The following EXOC6B variants were observed in gnomAD, a reference collection of about 807,000 sequenced individuals.
EXOC6B encodes SEC15 homolog B.
EXOC6B carries 54 observed loss-of-function variants against 113.5 expected under a neutral mutation model. That is an observed-to-expected ratio of 0.48 (90% confidence interval 0.38 to 0.60). EXOC6B has a LOEUF of 0.60. EXOC6B is among the 20% of genes least tolerant of loss of function. EXOC6B has a pLI of 0.00. For synonymous variants in EXOC6B, 357 were observed against 339.0 expected (o/e 1.05, Z -0.58); for missense variants, 797 against 977.5 (o/e 0.82, Z 2.46).
chr2:72,492,491 G>A (rs371742711), intron 15 of EXOC6B, 62 bp from the exon 16 acceptor site: 3 of 918,144 alleles, frequency 3.3e-6, no homozygotes, highest in Non-Finnish European at 5.4e-6. Context: ...GCAAACAAAC[G>A]GTGCCAGTGG....
chr2:72,604,681 C>T (rs2104026190), intron 6 of EXOC6B, among the ~76,000 whole-genome samples: 1 of 152,294 alleles, frequency 6.6e-6, no homozygotes, highest in Non-Finnish European at 1.5e-5. Context: ...ACTTCTATTA[C>T]TGATCACATC....
chr2:72,512,382 A>AG (rs1700976541), intron 11 of EXOC6B, among the ~76,000 whole-genome samples: 1 of 112,824 alleles, frequency 8.9e-6, no homozygotes, highest in African/African-American at 3.5e-5. Flanking sequence ...GAAGGAAGGA[A>AG]GGAAGGAAGG....
chr2:72,417,671 A>T (rs1398751216), intron 18 of EXOC6B, among the ~76,000 whole-genome samples: 2 of 152,192 alleles, frequency 1.3e-5, no homozygotes, highest in African/African-American at 2.4e-5. Flanking sequence ...TTTAAGACAA[A>T]TAGATTTTGT....
intron 18 of EXOC6B, among the ~76,000 whole-genome samples, chr2:72,437,206 G>T (rs1411561556): frequency 1.3e-5 from 2 of 152,192 alleles, no homozygotes; most frequent in Non-Finnish European, 2.9e-5. Flanking sequence ...GACCCTGTTT[G>T]CCTGGGTATC....
At chr2:72,570,295 C>T (rs1481141240) in intron 7 of EXOC6B, among the ~76,000 whole-genome samples, 1 of 152,190 alleles carries the variant, frequency 6.6e-6, no homozygotes, top group African/African-American at 2.4e-5. Flanking sequence ...CTTGGACAGC[C>T]AGCCTCCAGA....
chr2:72,579,850 G>T (rs2103853752), intron 6 of EXOC6B, among the ~76,000 whole-genome samples: 1 of 152,088 alleles, frequency 6.6e-6, no homozygotes, highest in South Asian at 2.1e-4. Flanking sequence ...GGCCTTAGAG[G>T]CCAAATATAA....
intron 8 of EXOC6B, among the ~76,000 whole-genome samples, chr2:72,547,135 A>G (rs1702954580): frequency 6.6e-6 from 1 of 152,218 alleles, no homozygotes; most frequent in Non-Finnish European, 1.5e-5. Context: ...AAGAAAATTT[A>G]AGAGAAATAC....
intron 6 of EXOC6B, among the ~76,000 whole-genome samples, chr2:72,695,064 C>T (rs533819153): frequency 6.6e-6 from 1 of 152,314 alleles, no homozygotes; most frequent in African/African-American, 2.4e-5. Flanking sequence ...GAACTGTCAA[C>T]ACAGGCACAC....
At chr2:72,718,065 A>G (rs1679741937) in intron 6 of EXOC6B, 38 bp downstream of exon 6, 1 of 1,511,634 alleles carries the variant, frequency 6.6e-7, no homozygotes, top group Non-Finnish European at 9.0e-7. Context: ...CAATACTGAT[A>G]AAGCCACTGG....
At chr2:72,311,168 G>A (rs930588896) in intron 20 of EXOC6B, among the ~76,000 whole-genome samples, 1 of 152,210 alleles carries the variant, frequency 6.6e-6, no homozygotes, top group African/African-American at 2.4e-5. Context: ...GCTTAAGCAA[G>A]AGAATTTTAT....
At chr2:72,238,726 C>A (rs1297008559) in intron 20 of EXOC6B, among the ~76,000 whole-genome samples, 3 of 152,072 alleles carry the variant, frequency 2.0e-5, no homozygotes, top group Admixed American at 2.0e-4. Flanking sequence ...CCATTTAAAT[C>A]TTTTGCATTT....
At chr2:72,202,140 G>A (rs553402837) in intron 20 of EXOC6B, among the ~76,000 whole-genome samples, 1 of 152,224 alleles carries the variant, frequency 6.6e-6, no homozygotes, top group Admixed American at 6.5e-5. Flanking sequence ...ATCATTTCTG[G>A]TCTATATATG....
intron 19 of EXOC6B, among the ~76,000 whole-genome samples, chr2:72,367,620 G>C (rs561962404): frequency 6.6e-6 from 1 of 152,068 alleles, no homozygotes. Flanking sequence ...ACATCATATC[G>C]CTAAAAGAGA....
intron 8 of EXOC6B, among the ~76,000 whole-genome samples, chr2:72,553,006 C>T (rs929204488): frequency 1.3e-5 from 2 of 151,578 alleles, no homozygotes; most frequent in Non-Finnish European, 2.9e-5. Context: ...TGATTCCAGT[C>T]AATACAGTAA....
chr2:72,698,166 A>G (rs1288934478), intron 6 of EXOC6B, among the ~76,000 whole-genome samples: 2 of 152,160 alleles, frequency 1.3e-5, no homozygotes, highest in African/African-American at 4.8e-5. Flanking sequence ...GGGAGGAGAA[A>G]GAGGAATTAA....
chr2:72,228,090 C>A (rs980216893), intron 20 of EXOC6B, among the ~76,000 whole-genome samples: 1 of 151,990 alleles, frequency 6.6e-6, no homozygotes, highest in African/African-American at 2.4e-5. Flanking sequence ...TCGGATTTTA[C>A]CAGGAGAAGG....
chr2:72,450,314 C>G (rs1228715837), intron 18 of EXOC6B, among the ~76,000 whole-genome samples: 2 of 152,124 alleles, frequency 1.3e-5, no homozygotes, highest in East Asian at 1.9e-4. Context: ...GGACTAAAAG[C>G]ATTTAAGCCA....
At chr2:72,320,723 A>G (rs74377656) in intron 20 of EXOC6B, among the ~76,000 whole-genome samples, 3,199 of 152,306 alleles carry the variant, frequency 0.021, 104 homozygotes, top group African/African-American at 0.07. Context: ...AAGTGACATT[A>G]TAACTGTATG....
intron 6 of EXOC6B, among the ~76,000 whole-genome samples, chr2:72,620,310 G>A (rs1463224157): frequency 6.6e-6 from 1 of 152,196 alleles, no homozygotes; most frequent in Non-Finnish European, 1.5e-5. Context: ...GGGCAGGGAA[G>A]AGCATCAGGA....
Sources: gnomAD v4.1 joint callset for allele counts (sites outside exome capture counted in the v4.1 genomes callset) on GRCh38, gnomAD v4.1.1 for gene constraint, MANE v1.5 for transcripts, NCBI Gene and HGNC (gene_info 2026-07-23, HGNC 2026-07-21) for gene names.